The following C8orf34 variants were observed in gnomAD, a reference collection of about 807,000 sequenced individuals.
The protein encoded by C8orf34 is uncharacterized protein C8orf34.
A neutral mutation model predicts 68.3 loss-of-function variants in C8orf34; 65 were observed. That is an observed-to-expected ratio of 0.95 (90% confidence interval 0.78 to 1.17). C8orf34 has a LOEUF of 1.17. C8orf34 is among the 50% of genes most tolerant of loss of function. The pLI is 0.00. For missense variants in C8orf34, 664 were observed against 655.4 expected (o/e 1.01, Z -0.14); for synonymous variants, 244 against 241.2 (o/e 1.01, Z -0.11).
At chr8:68,389,787 T>G (rs1265272732) in intron 1 of C8orf34, among the ~76,000 whole-genome samples, 1 of 152,180 alleles carries the variant, frequency 6.6e-6, no homozygotes, top group Non-Finnish European at 1.5e-5. Context: ...TCTTTTCTAT[T>G]TACTTTTGAA....
chr8:68,433,975 G>A (rs1005299684), intron 1 of C8orf34, among the ~76,000 whole-genome samples: 1 of 152,038 alleles, frequency 6.6e-6, no homozygotes, highest in Non-Finnish European at 1.5e-5. Context: ...AGCACTACAA[G>A]GTTATCTGTT....
chr8:68,569,325 A>G (rs1816694714), intron 7 of C8orf34, among the ~76,000 whole-genome samples: 1 of 152,354 alleles, frequency 6.6e-6, no homozygotes, highest in South Asian at 2.1e-4. Flanking sequence ...TCGCCTCTAC[A>G]TCTGGTGTTA....
intron 10 of C8orf34, among the ~76,000 whole-genome samples, chr8:68,749,167 C>T (rs1822616256): frequency 6.6e-6 from 1 of 151,062 alleles, no homozygotes; most frequent in Non-Finnish European, 1.5e-5. Context: ...TATTCTCACT[C>T]ATAGGTGGGA....
intron 7 of C8orf34, among the ~76,000 whole-genome samples, chr8:68,538,615 C>T (rs1478380718): frequency 1.3e-5 from 2 of 151,930 alleles, no homozygotes; most frequent in Non-Finnish European, 2.9e-5. Flanking sequence ...AAAAAGCTTT[C>T]TTTAGCTTTG....
chr8:68,748,479 C>T (rs1048293652), intron 10 of C8orf34, among the ~76,000 whole-genome samples: 6 of 150,848 alleles, frequency 4.0e-5, no homozygotes, highest in Non-Finnish European at 7.4e-5. Context: ...ATTTTTGCAA[C>T]CTACTCATCT....
chr8:68,794,423 T>C (rs1016757600), intron 12 of C8orf34, among the ~76,000 whole-genome samples: 2 of 142,440 alleles, frequency 1.4e-5, no homozygotes, highest in Non-Finnish European at 3.0e-5. Flanking sequence ...CTCCCCTCCC[T>C]GCCCTCCCAA....
At position 68,341,446 on chromosome 8, in the gene C8orf34, C is replaced by A. The variant is rs74530426; in HGVS notation, c.327+10107C>A. ...TAATGATGTCACATATATGGGAAAT[C>A]TAAAAAAACTGAACTCATAAAAGCA... On this transcript the variant is annotated intron_variant, in intron 1 of 13. Transcript: ENST00000518698. Among the ~76,000 whole-genome samples the A allele has an allele frequency of 7.9e-3, 1,195 of 152,156 alleles. 18 individuals are homozygous for A. The highest frequency in any genetic ancestry group is 0.026 in the African/African-American group (1,099 of 41,484).
chr8:68,519,405 C>T (rs1383351360), intron 5 of C8orf34, among the ~76,000 whole-genome samples: 1 of 152,164 alleles, frequency 6.6e-6, no homozygotes, highest in Non-Finnish European at 1.5e-5. Flanking sequence ...ACTAAGAATA[C>T]ATCCACACAC....
intron 1 of C8orf34, among the ~76,000 whole-genome samples, chr8:68,432,129 G>T (rs1810475885): frequency 6.6e-6 from 1 of 151,894 alleles, no homozygotes. Context: ...GTGAGGGTCA[G>T]ATGTGATCTG....
chr8:68,476,396 G>A lies in C8orf34; in HGVS notation c.736+7576G>A, dbSNP rs528735060. The stretch of plus-strand genomic sequence containing the variant: ...AAGGTCAAGGTACAGTAGGAGGAGA[G>A]TCAAGATGTGTCGTGGAGACAGATA... On this transcript the variant is annotated intron_variant, in intron 4 of 13. Coordinates refer to ENST00000518698, the MANE Select transcript of C8orf34 (RefSeq NM_052958.4). Among the ~76,000 whole-genome samples the A allele has an allele frequency of 9.8e-5, 15 of 152,326 alleles. 1 individual carries two copies. In the South Asian group the frequency reaches 3.1e-3, roughly 32 times the overall value.
chr8:68,676,868 T>C (rs1234491181), intron 8 of C8orf34, among the ~76,000 whole-genome samples: 2 of 152,218 alleles, frequency 1.3e-5, no homozygotes, highest in African/African-American at 2.4e-5. Context: ...TCACATCTTA[T>C]GTGGATGGTG....
At chr8:68,682,757 C>T (rs1405376554) in intron 8 of C8orf34, among the ~76,000 whole-genome samples, 1 of 146,888 alleles carries the variant, frequency 6.8e-6, no homozygotes, top group Non-Finnish European at 1.5e-5. Context: ...GTGTTATTTC[C>T]AAATTTAAAA....
chr8:68,417,030 G>A (rs1474931040), intron 1 of C8orf34, among the ~76,000 whole-genome samples: 6 of 152,080 alleles, frequency 3.9e-5, no homozygotes, highest in Non-Finnish European at 5.9e-5. Context: ...TATGGGTTGA[G>A]CTTCTCTCTT....
At chr8:68,587,940 A>C (rs1472903913) in intron 7 of C8orf34, among the ~76,000 whole-genome samples, 1 of 152,176 alleles carries the variant, frequency 6.6e-6, no homozygotes, top group Non-Finnish European at 1.5e-5. Context: ...GTACAGATCA[A>C]AGGATGCAAA....
At chr8:68,546,678 A>G (rs1815894449) in intron 7 of C8orf34, among the ~76,000 whole-genome samples, 1 of 151,834 alleles carries the variant, frequency 6.6e-6, no homozygotes, top group African/African-American at 2.4e-5. Context: ...GCTACAGAAT[A>G]CAAATTATTT....
chr8:68,768,990 C>A (rs1823263419), intron 10 of C8orf34, among the ~76,000 whole-genome samples: 3 of 151,778 alleles, frequency 2.0e-5, no homozygotes. Context: ...CTTTAAAAAT[C>A]GTGTGGTCTT....
intron 7 of C8orf34, among the ~76,000 whole-genome samples, chr8:68,574,685 A>T (rs1261196595): frequency 6.6e-6 from 1 of 152,084 alleles, no homozygotes; most frequent in Non-Finnish European, 1.5e-5. Context: ...CTTCCATTTC[A>T]TAGAAACTTG....
intron 1 of C8orf34, among the ~76,000 whole-genome samples, chr8:68,426,018 CT>C: frequency 6.6e-6 from 1 of 152,008 alleles, no homozygotes; most frequent in Admixed American, 6.6e-5. Context: ...CAAAAATTAA[CT>C]CAAAATGGGT....
At chr8:68,426,120 T>C (rs1446130872) in intron 1 of C8orf34, among the ~76,000 whole-genome samples, 1 of 152,184 alleles carries the variant, frequency 6.6e-6, no homozygotes, top group Non-Finnish European at 1.5e-5. Context: ...ATGACATATC[T>C]TCATATCTCT....
Sources: gnomAD v4.1 joint callset for allele counts (sites outside exome capture counted in the v4.1 genomes callset) on GRCh38, gnomAD v4.1.1 for gene constraint, MANE v1.5 for transcripts, NCBI Gene and HGNC (gene_info 2026-07-23, HGNC 2026-07-21) for gene names.